Variants in STRBP observed in about 807,000 individuals in gnomAD.
STRBP encodes spermatid perinuclear RNA-binding protein.
A neutral mutation model predicts 80.1 loss-of-function variants in STRBP; 13 were observed. The ratio of observed to expected loss-of-function variants is 0.16; its 90% CI spans 0.11 to 0.26. STRBP has a LOEUF of 0.26. Among genes scored for constraint, STRBP ranks in the 10% least tolerant of loss-of-function variants. The pLI is 1.00. For missense variants in STRBP, 485 were observed against 815.2 expected, an observed-to-expected ratio of 0.59 and a Z score of 4.93; for synonymous variants, 284 against 291.2, an observed-to-expected ratio of 0.98 and a Z score of 0.25.
At chr9:123,202,340 G>T (rs548194904) in intron 2 of STRBP, among the ~76,000 whole-genome samples, 43 of 152,106 alleles carry the variant, frequency 2.8e-4, no homozygotes, top group Admixed American at 9.2e-4. Context: ...TTCCACTTTG[G>T]TGTATATCAG....
intron 2 of STRBP, among the ~76,000 whole-genome samples, chr9:123,210,783 C>G (rs574988986): frequency 6.6e-6 from 1 of 151,116 alleles, no homozygotes; most frequent in Non-Finnish European, 1.5e-5. Flanking sequence ...GAGCCAAGAT[C>G]GTGCCACTGC....
At chr9:123,219,250 T>TC (rs2039997490) in intron 2 of STRBP, among the ~76,000 whole-genome samples, 1 of 152,130 alleles carries the variant, frequency 6.6e-6, no homozygotes, top group Non-Finnish European at 1.5e-5. Context: ...TTGCTGCCAT[T>TC]CCCCAAATCC....
chr9:123,207,806 GA>G (rs34207012), intron 2 of STRBP, among the ~76,000 whole-genome samples: 57,550 of 152,038 alleles, frequency 0.38, 18,094 homozygotes, highest in African/African-American at 0.83. Flanking sequence ...TTTCTTAGAG[GA>G]AAAAAATCTG....
intron 13 of STRBP, among the ~76,000 whole-genome samples, chr9:123,140,250 A>T (rs922342832): frequency 1.3e-5 from 2 of 152,254 alleles, no homozygotes; most frequent in African/African-American, 2.4e-5. Context: ...ACAAAATAAC[A>T]TCTAAAACTT....
intron 1 of STRBP, among the ~76,000 whole-genome samples, chr9:123,250,735 A>AT (rs941543516): frequency 6.6e-6 from 1 of 152,160 alleles, no homozygotes; most frequent in Non-Finnish European, 1.5e-5. Context: ...TGAACAACAG[A>AT]TTTTCAGCAA....
intron 2 of STRBP, among the ~76,000 whole-genome samples, chr9:123,214,240 A>ATGG (rs1270834823): frequency 1.3e-5 from 2 of 151,966 alleles, no homozygotes; most frequent in Non-Finnish European, 2.9e-5. Context: ...AACAACCTGG[A>ATGG]TGGTACTGGA....
chr9:123,179,373 G>C (rs2038357653), intron 3 of STRBP, 146 bp from the exon 4 acceptor site: 1 of 647,084 alleles, frequency 1.5e-6, no homozygotes, highest in Admixed American at 3.0e-5. Context: ...AACTGCTCCA[G>C]CGTGGGAAGT....
At chr9:123,138,662 T>C (rs535116772) in intron 14 of STRBP, among the ~76,000 whole-genome samples, 12 of 152,356 alleles carry the variant, frequency 7.9e-5, no homozygotes, top group African/African-American at 2.9e-4. Context: ...ATGTTCATTT[T>C]GCCATCACAG....
intron 5 of STRBP, among the ~76,000 whole-genome samples, chr9:123,173,472 A>G (rs1022573660): frequency 6.6e-6 from 1 of 152,220 alleles, no homozygotes; most frequent in Non-Finnish European, 1.5e-5. Context: ...TGGCCATCTT[A>G]ATTTGGTAAA....
chr9:123,188,369 G>A lies in STRBP; in HGVS notation c.-164-4071C>T, dbSNP rs193090519. On this transcript the variant is annotated intron_variant, in intron 2 of 18. Coordinates refer to ENST00000348403, the MANE Select transcript of STRBP (RefSeq NM_018387.5). ...TAAATCTCAAGACTAGGCCAGGTGC[G>A]GTGGCTCACGTCTGTTAATCCCAGC... 1.6e-3 allele frequency among the ~76,000 whole-genome samples: 250 copies of A among 152,194 alleles called. 3 individuals carry two copies. Among genetic ancestry groups the A allele is most frequent in the Admixed American group, 0.013 (192 of 15,284 alleles).
At chr9:123,187,407 T>C (rs533756804) in intron 2 of STRBP, among the ~76,000 whole-genome samples, 1 of 152,222 alleles carries the variant, frequency 6.6e-6, no homozygotes, top group South Asian at 2.1e-4. Flanking sequence ...CCAAACTAAA[T>C]GGACAGGTTA....
chr9:123,178,477 A>C (rs1224660688), intron 4 of STRBP, among the ~76,000 whole-genome samples: 15 of 152,224 alleles, frequency 9.9e-5, no homozygotes, highest in Non-Finnish European at 4.4e-5. Context: ...TGTGGGTCCC[A>C]TTAGATCTTT....
At chr9:123,190,580 C>T (rs1392050111) in intron 2 of STRBP, among the ~76,000 whole-genome samples, 1 of 152,166 alleles carries the variant, frequency 6.6e-6, no homozygotes, top group Middle Eastern at 3.2e-3. Flanking sequence ...CCAAAAACAC[C>T]TATAACGATG....
At chr9:123,258,235 A>G (rs967532492) in intron 1 of STRBP, among the ~76,000 whole-genome samples, 8 of 152,222 alleles carry the variant, frequency 5.3e-5, no homozygotes, top group South Asian at 2.1e-4. Context: ...CATGGAGCTT[A>G]TATCAGGTGG....
intron 2 of STRBP, among the ~76,000 whole-genome samples, chr9:123,202,718 A>G (rs2039371580): frequency 6.6e-6 from 1 of 152,218 alleles, no homozygotes; most frequent in South Asian, 2.1e-4. Context: ...TCTGTTACAC[A>G]AAGAAATGAA....
chr9:123,143,286 GT>G (rs2036669594), intron 13 of STRBP, among the ~76,000 whole-genome samples: 1 of 152,186 alleles, frequency 6.6e-6, no homozygotes, highest in Admixed American at 6.5e-5. Flanking sequence ...GGTATCCTTT[GT>G]GGGGGGCTGC....
intron 2 of STRBP, among the ~76,000 whole-genome samples, chr9:123,201,501 T>C (rs752509620): frequency 1.3e-5 from 2 of 152,238 alleles, no homozygotes; most frequent in Non-Finnish European, 2.9e-5. Context: ...TTAATTTCCA[T>C]GTATTTGTAC....
intron 1 of STRBP, among the ~76,000 whole-genome samples, chr9:123,248,514 C>T (rs1017270386): frequency 6.6e-6 from 1 of 152,092 alleles, no homozygotes; most frequent in Admixed American, 6.6e-5. Context: ...TCGTGTTCCG[C>T]CTGCCTCAGC....
At chr9:123,190,106 C>G (rs1243105346) in intron 2 of STRBP, among the ~76,000 whole-genome samples, 2 of 152,006 alleles carry the variant, frequency 1.3e-5, no homozygotes, top group African/African-American at 4.8e-5. Flanking sequence ...ATGGTGAAAT[C>G]TTGTCTCTAC....
Sources: allele counts gnomAD v4.1 joint callset (sites outside exome capture counted in the v4.1 genomes callset), GRCh38; gene constraint gnomAD v4.1.1; transcripts MANE v1.5; gene names NCBI Gene and HGNC (gene_info 2026-07-23, HGNC 2026-07-21).